ST3GAL3: variants seen among roughly 807,000 people sequenced by gnomAD.
ST3GAL3 encodes ST3 beta-galactoside alpha-2,3-sialyltransferase 3.
ST3GAL3 carries 21 observed loss-of-function variants against 50.1 expected under a neutral mutation model. The ratio of observed to expected loss-of-function variants is 0.42; its 90% CI spans 0.30 to 0.60. ST3GAL3 has a LOEUF of 0.60. ST3GAL3 is among the 20% of genes least tolerant of loss of function. The probability of loss-of-function intolerance (pLI) is 0.19; values close to 1 mark genes in which losing one functional copy is unlikely to be tolerated. For synonymous variants in ST3GAL3, 183 were observed against 190.0 expected, an observed-to-expected ratio of 0.96 and a Z score of 0.30; for missense variants, 353 against 489.4, an observed-to-expected ratio of 0.72 and a Z score of 2.63.
intron 3 of ST3GAL3, among the ~76,000 whole-genome samples, chr1:43,797,841 G>A (rs2058856264): frequency 6.6e-6 from 1 of 152,060 alleles, no homozygotes; most frequent in Non-Finnish European, 1.5e-5. Flanking sequence ...AAATCCCAAG[G>A]AATCTACAAA....
At chr1:43,759,485 C>A (rs1215788237) in intron 2 of ST3GAL3, among the ~76,000 whole-genome samples, 1 of 152,086 alleles carries the variant, frequency 6.6e-6, no homozygotes, top group African/African-American at 2.4e-5. Flanking sequence ...AGGGAAGAGT[C>A]CAGCACTTAA....
chr1:43,748,945 A>G (rs1684969027), intron 2 of ST3GAL3, among the ~76,000 whole-genome samples: 1 of 152,230 alleles, frequency 6.6e-6, no homozygotes, highest in African/African-American at 2.4e-5. Flanking sequence ...TGGAAAGTAG[A>G]AGTTAGAGAG....
In ST3GAL3 at chr1:43,838,333, C is replaced by T. The variant is rs753199842; in HGVS notation, c.302+22C>T. ...CCCGGTAAGTGCTCCTGTTTCCCTCCACTGCCTAGACAGCCTGGTCTGGGG... is the reference window on the plus strand; with the variant it reads ...CCCGGTAAGTGCTCCTGTTTCCCTCTACTGCCTAGACAGCCTGGTCTGGGG... On this transcript the variant is annotated intron_variant, in intron 5 of 11. Coordinates refer to ENST00000347631, the MANE Select transcript of ST3GAL3 (RefSeq NM_006279.5). 1.5e-5 allele frequency: 24 copies of T among 1,607,134 alleles called. No individual in the cohort carries two copies. The East Asian group carries it at 4.2e-4, about 28-fold the overall frequency.
At chr1:43,896,070 G>C (rs1477529306) in intron 6 of ST3GAL3, among the ~76,000 whole-genome samples, 1 of 152,196 alleles carries the variant, frequency 6.6e-6, no homozygotes, top group East Asian at 1.9e-4. Flanking sequence ...AGGTATATCT[G>C]AAGGCACTTA....
chr1:43,819,465 A>T (rs2061811910), intron 4 of ST3GAL3, among the ~76,000 whole-genome samples: 1 of 137,892 alleles, frequency 7.3e-6, no homozygotes, highest in South Asian at 2.4e-4. Flanking sequence ...AATGTAAAAG[A>T]CATTCTTAAC....
chr1:43,906,963 C>G (rs1359940902), intron 9 of ST3GAL3, among the ~76,000 whole-genome samples: 1 of 152,144 alleles, frequency 6.6e-6, no homozygotes, highest in African/African-American at 2.4e-5. Context: ...AGGGATCTTC[C>G]TAAGAAATAA....
chr1:43,807,936 A>AG (rs2060093503), intron 3 of ST3GAL3, among the ~76,000 whole-genome samples: 1 of 152,100 alleles, frequency 6.6e-6, no homozygotes, highest in Non-Finnish European at 1.5e-5. Flanking sequence ...GATGAACTCT[A>AG]GGGGGTGTGG....
intron 3 of ST3GAL3, among the ~76,000 whole-genome samples, chr1:43,803,367 C>G (rs1415558812): frequency 7.5e-6 from 1 of 132,698 alleles, no homozygotes; most frequent in East Asian, 2.7e-4. Context: ...TAGCAAGATC[C>G]CACCTCAAAA....
intron 7 of ST3GAL3, 50 bp downstream of exon 7, chr1:43,898,348 C>A: frequency 1.2e-6 from 2 of 1,600,034 alleles, no homozygotes; most frequent in Non-Finnish European, 1.7e-6. Flanking sequence ...TGGTGGTGTG[C>A]AGAGGTGTTG....
intron 5 of ST3GAL3, among the ~76,000 whole-genome samples, chr1:43,857,805 G>A (rs1023316288): frequency 5.9e-5 from 9 of 152,028 alleles, no homozygotes; most frequent in African/African-American, 1.9e-4. Context: ...TAGTAGAAGC[G>A]GGGTTTCACC....
At chr1:43,809,854 G>A (rs1247993818) in intron 3 of ST3GAL3, among the ~76,000 whole-genome samples, 1 of 151,988 alleles carries the variant, frequency 6.6e-6, no homozygotes, top group Admixed American at 6.6e-5. Flanking sequence ...TTAGCCAGGC[G>A]TGGTGTTGCA....
intron 5 of ST3GAL3, among the ~76,000 whole-genome samples, chr1:43,893,161 T>G (rs1312416894): frequency 6.6e-6 from 1 of 152,208 alleles, no homozygotes; most frequent in East Asian, 1.9e-4. Context: ...CTATTCCTCC[T>G]GGGACTGCTG....
At chr1:43,886,944 A>G (rs2076076292) in intron 5 of ST3GAL3, among the ~76,000 whole-genome samples, 1 of 152,218 alleles carries the variant, frequency 6.6e-6, no homozygotes, top group African/African-American at 2.4e-5. Flanking sequence ...AGCATGATAG[A>G]AAGATCTACT....
At chr1:43,749,153 G>C (rs1012399721) in intron 2 of ST3GAL3, among the ~76,000 whole-genome samples, 2 of 152,062 alleles carry the variant, frequency 1.3e-5, no homozygotes, top group Non-Finnish European at 2.9e-5. Flanking sequence ...TATCTATATA[G>C]AAAAATAAGG....
intron 9 of ST3GAL3, among the ~76,000 whole-genome samples, chr1:43,907,301 C>G (rs528588047): frequency 2.0e-5 from 3 of 152,366 alleles, no homozygotes; most frequent in South Asian, 2.1e-4. Context: ...CAGTCTCACT[C>G]ACTCGACAGC....
intron 2 of ST3GAL3, among the ~76,000 whole-genome samples, chr1:43,762,955 A>G (rs925602895): frequency 1.3e-5 from 2 of 152,112 alleles, no homozygotes; most frequent in Admixed American, 6.5e-5. Flanking sequence ...AACAGAAGAA[A>G]AAGTTTCAAG....
chr1:43,844,636 C>A lies in ST3GAL3; in HGVS notation c.302+6325C>A, dbSNP rs528356177. On this transcript the variant is annotated intron_variant, in intron 5 of 11. Coordinates refer to ENST00000347631, the MANE Select transcript of ST3GAL3 (RefSeq NM_006279.5). ...ACCATTCTGGCTAACACGGTGAAAC[C>A]CCGTCTCTACCAAAAATAAAAAAAA... Among the ~76,000 whole-genome samples, 251 of 152,122 alleles carry A rather than the reference C, an allele frequency of 1.6e-3. 1 individual carries two copies. The highest frequency in any genetic ancestry group is 2.0e-3 in the Non-Finnish European group (136 of 67,972).
rs577388474 is a variant in ST3GAL3 at position 43,930,149 on chromosome 1, C to T, written c.1056C>T (p.Ile352=). The change falls in exon 12 of 12, where the codon ATC becomes ATT. Residue 352 remains isoleucine, a synonymous_variant. Transcript: ENST00000347631. Reference sequence around the variant, plus strand: ...CCTTTCAGTCCTGGACGCACAATATCCAGCGAGAGAAAGAGTTTCTGCGGA... The same window carrying T: ...CCTTTCAGTCCTGGACGCACAATATTCAGCGAGAGAAAGAGTTTCTGCGGA... ...AAIKESWTHN[I]QREKEFLRKL... is the part of the protein sequence containing the mutation. 6.2e-7 allele frequency: 1 copy of T among 1,614,214 alleles called. No homozygotes were observed. Among genetic ancestry groups the T allele is most frequent in the Non-Finnish European group, 8.5e-7 (1 of 1,180,044 alleles).
intron 5 of ST3GAL3, among the ~76,000 whole-genome samples, chr1:43,887,400 T>C (rs1228015588): frequency 6.6e-6 from 1 of 152,076 alleles, no homozygotes; most frequent in Non-Finnish European, 1.5e-5. Flanking sequence ...AGAGAGATAA[T>C]AGACTAGAAG....
Sources: allele counts gnomAD v4.1 joint callset (sites outside exome capture counted in the v4.1 genomes callset), GRCh38; gene constraint gnomAD v4.1.1; transcripts MANE v1.5; gene names NCBI Gene and HGNC (gene_info 2026-07-23, HGNC 2026-07-21).